PLPPR4: variants seen among roughly 807,000 people sequenced by gnomAD.
PLPPR4 encodes phospholipid phosphatase-related protein type 4.
Under a neutral mutation model 56.6 loss-of-function variants are expected in PLPPR4, and 24 were observed. The ratio of observed to expected loss-of-function variants is 0.42; its 90% CI spans 0.31 to 0.60. PLPPR4 has a LOEUF of 0.60. Ranked by LOEUF, PLPPR4 falls within the 20% of genes least tolerant of loss-of-function variation. The probability of loss-of-function intolerance (pLI) is 0.13; values close to 1 mark genes in which losing one functional copy is unlikely to be tolerated. For missense variants in PLPPR4, 654 were observed against 885.8 expected (o/e 0.74, Z 3.32); for synonymous variants, 326 against 328.1 (o/e 0.99, Z 0.07).
At chr1:99,265,362 G>C (rs949184577) in intron 1 of PLPPR4, among the ~76,000 whole-genome samples, 6 of 152,070 alleles carry the variant, frequency 3.9e-5, no homozygotes, top group Admixed American at 2.0e-4. Flanking sequence ...TATTTACTGT[G>C]CTGAGCAGTA....
At position 99,306,613 on chromosome 1, in the gene PLPPR4, C is replaced by G; in HGVS notation, c.1751C>G (p.Pro584Arg). Residue 584 changes from proline to arginine, a missense_variant, in exon 7 of 7, where the codon CCC becomes CGC. By Grantham distance (103) the Pro-to-Arg change is moderately radical. Coordinates refer to ENST00000370185, the MANE Select transcript of PLPPR4 (RefSeq NM_014839.5). This position sits in a 1 kb window ranked among gnomAD's most constrained non-coding sequence, Gnocchi z 4.0. Reference protein sequence around the residue: ...RVEAHPENNRPIIQIPSTEGE... With the variant: ...RVEAHPENNRRIIQIPSTEGE... ...GAGGCTCACCCAGAGAACAACAGGC[C>G]CATCATACAGATCCCGTCCACTGAA... is the stretch of plus-strand genomic sequence containing the variant. 2 of 1,614,060 alleles carry G rather than the reference C, an allele frequency of 1.2e-6. No individual in the cohort carries two copies. The highest frequency in any genetic ancestry group is 1.7e-6 in the Non-Finnish European group (2 of 1,180,006).
Position 99,293,716 on chromosome 1 carries a change from A to C in PLPPR4, c.265-3022A>C, listed in dbSNP as rs541513297. Among the ~76,000 whole-genome samples the C allele has an allele frequency of 1.7e-3, 259 of 152,358 alleles. 1 individual carries two copies. Among genetic ancestry groups the C allele is most frequent in the Non-Finnish European group, 2.6e-3 (178 of 68,032 alleles). On this transcript the variant is annotated intron_variant, in intron 2 of 6. Transcript: ENST00000370185. The stretch of plus-strand genomic sequence containing the variant: ...TATTAGACATGTTAGGGCTTCCAAA[A>C]AACATTCATTGAAAATTGAAACATT...
chr1:99,306,863 A>G lies in PLPPR4; in HGVS notation c.2001A>G (p.Ser667=). The G allele has an allele frequency of 1.2e-6, 2 of 1,614,168 alleles. No individual in the cohort carries two copies. The highest frequency in any genetic ancestry group is 1.7e-6 in the Non-Finnish European group (2 of 1,180,000). ...VTPVEGSEIG[S]ETLSISSSRD... is the part of the protein sequence containing the mutation. ...CAGTAGAGGGCAGCGAAATTGGCTC[A>G]GAGACGCTGTCCATTTCTTCTTCCC... The change falls in exon 7 of 7, where the codon TCA becomes TCG. Residue 667 remains serine, a synonymous_variant. Coordinates refer to ENST00000370185, the MANE Select transcript of PLPPR4 (RefSeq NM_014839.5). This position sits in a 1 kb window ranked among gnomAD's most constrained non-coding sequence, Gnocchi z 4.0.
intron 1 of PLPPR4, among the ~76,000 whole-genome samples, chr1:99,278,562 A>G (rs989800761): frequency 1.3e-4 from 20 of 152,158 alleles, no homozygotes; most frequent in African/African-American, 4.8e-4. Context: ...TCTCAGCCTC[A>G]GGTCTTAGTC....
At chr1:99,288,413 T>A (rs1326387495) in intron 2 of PLPPR4, among the ~76,000 whole-genome samples, 2 of 152,180 alleles carry the variant, frequency 1.3e-5, no homozygotes, top group East Asian at 3.8e-4. Context: ...TTTGTAACTT[T>A]ATAATTCACT....
chr1:99,297,430 A>G (rs2100806148), intron 3 of PLPPR4, among the ~76,000 whole-genome samples: 1 of 152,276 alleles, frequency 6.6e-6, no homozygotes, highest in South Asian at 2.1e-4. Context: ...GAATCAAACC[A>G]GTTTTCAAAC....
intron 1 of PLPPR4, among the ~76,000 whole-genome samples, chr1:99,277,149 A>G (rs1179439379): frequency 6.6e-6 from 1 of 152,190 alleles, no homozygotes; most frequent in Non-Finnish European, 1.5e-5. Flanking sequence ...TTGCTTTGCC[A>G]GGACCACTTT....
intron 4 of PLPPR4, among the ~76,000 whole-genome samples, chr1:99,300,200 C>A (rs114195712): frequency 6.6e-6 from 1 of 152,054 alleles, no homozygotes; most frequent in African/African-American, 2.4e-5. Flanking sequence ...TAGGAAGGCA[C>A]TAATTTAAGT....
intron 2 of PLPPR4, among the ~76,000 whole-genome samples, chr1:99,296,527 C>CA: frequency 6.6e-6 from 1 of 152,272 alleles, no homozygotes; most frequent in Non-Finnish European, 1.5e-5. Context: ...GAAGACCCTA[C>CA]AAAATCTCAT....
rs534966324 is a variant in PLPPR4, at chr1:99,283,139, T to C, written c.79-4826T>C. Among the ~76,000 whole-genome samples the C allele has an allele frequency of 3.3e-5, 5 of 152,088 alleles. No individual in the cohort carries two copies. In the East Asian group the frequency reaches 9.7e-4, roughly 29 times the overall value. On this transcript the variant is annotated intron_variant, in intron 1 of 6. Transcript: ENST00000370185. ...GGACTAGCAGGCTATCAAAGATATT[T>C]GTTGAATGAATAAATGGATGAGGCA...
Position 99,264,494 on chromosome 1 carries a change from C to G in PLPPR4, c.-100C>G, listed in dbSNP as rs983846952. On this transcript the variant is annotated 5_prime_UTR_variant, in exon 1 of 7. It adds an upstream start codon to the 5' untranslated region. Transcript: ENST00000370185. Reference sequence around the variant, plus strand: ...GCGGTGGCCGCGGGGAATGTGACATCAGCGGCGCCGGGCGCTTGGGGCTGG... The same window carrying G: ...GCGGTGGCCGCGGGGAATGTGACATGAGCGGCGCCGGGCGCTTGGGGCTGG... 1.9e-6 allele frequency: 3 copies of G among 1,539,506 alleles called. No homozygotes were observed. Among genetic ancestry groups the G allele is most frequent in the East Asian group, 4.8e-5 (2 of 41,348 alleles).
intron 2 of PLPPR4, among the ~76,000 whole-genome samples, chr1:99,294,673 C>T (rs1659698801): frequency 6.7e-6 from 1 of 149,804 alleles, no homozygotes; most frequent in Non-Finnish European, 1.5e-5. Flanking sequence ...TCCAGCCTGG[C>T]CTGCAGAGCA....
At position 99,281,895 on chromosome 1, in the gene PLPPR4, TTGG is replaced by T. The variant is rs143576950; in HGVS notation, c.79-6069_79-6067del. On this transcript the variant is annotated intron_variant, in intron 1 of 6. Coordinates refer to ENST00000370185, the MANE Select transcript of PLPPR4 (RefSeq NM_014839.5). ...CTCTTAGAATAGCTCTTGCATATGT[TTGG>T]CATGAATATACACAACTATTTTCTT... Among the ~76,000 whole-genome samples, 971 of 152,292 alleles carry T rather than the reference TTGG, an allele frequency of 6.4e-3. 6 individuals are homozygous for T. The highest frequency in any genetic ancestry group is 0.015 in the South Asian group (73 of 4,828).
At chr1:99,269,642 A>G (rs1439571527) in intron 1 of PLPPR4, among the ~76,000 whole-genome samples, 1 of 152,234 alleles carries the variant, frequency 6.6e-6, no homozygotes, top group African/African-American at 2.4e-5. Flanking sequence ...CATGAAATAA[A>G]TGGGAAAGGG....
intron 1 of PLPPR4, among the ~76,000 whole-genome samples, chr1:99,285,284 C>T (rs1472884235): frequency 6.6e-6 from 1 of 152,056 alleles, no homozygotes; most frequent in African/African-American, 2.4e-5. Context: ...TAAAATATGT[C>T]AAATTAATTA....
rs1161270792 is a variant in PLPPR4 at position 99,296,670 on chromosome 1, C to T, written c.265-68C>T. On this transcript the variant is annotated intron_variant, in intron 2 of 6. Coordinates refer to ENST00000370185, the MANE Select transcript of PLPPR4 (RefSeq NM_014839.5). ...ATATGTTAAAAAGTGATATATAATT[C>T]CTTTATACCTGTTGGCTTAATAGGT... is the stretch of plus-strand genomic sequence containing the variant. 5 of 1,305,078 alleles carry T rather than the reference C, an allele frequency of 3.8e-6. No homozygotes were observed. In the African/African-American group the frequency reaches 4.5e-5, roughly 12 times the overall value. The allele number at this position is 1,305,078 out of a possible 1,614,324, so 80.8% of individuals were successfully genotyped here.
At position 99,276,374 on chromosome 1, in the gene PLPPR4, A is replaced by C. The variant is rs147252401; in HGVS notation, c.79-11591A>C. Among the ~76,000 whole-genome samples, 364 of 152,298 alleles carry C rather than the reference A, an allele frequency of 2.4e-3. 2 individuals carry two copies. Among genetic ancestry groups the C allele is most frequent in the African/African-American group, 8.6e-3 (356 of 41,586 alleles). On this transcript the variant is annotated intron_variant, in intron 1 of 6. Transcript: ENST00000370185. ...AAATACTAAAAAGTATTTGTTAAGC[A>C]TTGAATGTAATAGAAAATATGAACT...
Position 99,307,461 on chromosome 1 carries a change from T to C in PLPPR4, c.*451T>C, listed in dbSNP as rs1660059232. The C allele has an allele frequency of 5.9e-6, 1 of 168,138 alleles. No individual in the cohort carries two copies. Among genetic ancestry groups the C allele is most frequent in the African/African-American group, 2.4e-5 (1 of 41,640 alleles). The allele number at this position is 168,138 out of a possible 1,614,324, so 10.4% of individuals were successfully genotyped here. A position where few individuals can be genotyped will look rare whatever the true frequency, so the allele number is the denominator to read the frequency against. On this transcript the variant is annotated 3_prime_UTR_variant, in exon 7 of 7. Transcript: ENST00000370185. ...ATCTGCACCTACAGCTCAATACGGG[T>C]GGTGCTGATTATTATAGTACATATA...
intron 1 of PLPPR4, among the ~76,000 whole-genome samples, chr1:99,283,371 C>G (rs1029926714): frequency 2.0e-5 from 3 of 152,146 alleles, no homozygotes; most frequent in Non-Finnish European, 4.4e-5. Context: ...AGTAAGCTGT[C>G]TGATCTAGAT....
Sources: gnomAD v4.1 joint callset for allele counts (sites outside exome capture counted in the v4.1 genomes callset) on GRCh38, gnomAD v4.1.1 for gene constraint, Gnocchi (gnomAD v3.1) non-coding constraint, MANE v1.5 for transcripts, NCBI Gene and HGNC (gene_info 2026-07-23, HGNC 2026-07-21) for gene names.